The following ATP6V0D2 variants were observed in gnomAD, a reference collection of about 807,000 sequenced individuals.
ATP6V0D2 encodes the protein ATPase H+ transporting V0 subunit d2.
ATP6V0D2 carries 40 observed loss-of-function variants against 40.0 expected under a neutral mutation model. The observed-to-expected ratio is 1.00, with a 90% CI of 0.78 to 1.30. The LOEUF (loss-of-function observed/expected upper bound fraction) is 1.30, where lower values mean the gene tolerates loss of function less well. Among genes scored for constraint, ATP6V0D2 ranks in the 50% most tolerant of loss-of-function variants. ATP6V0D2 has a pLI of 0.00. For missense variants in ATP6V0D2, 470 were observed against 423.1 expected, an observed-to-expected ratio of 1.11 and a Z score of -0.97; for synonymous variants, 179 against 156.3, an observed-to-expected ratio of 1.15 and a Z score of -1.08.
At chr8:86,132,433 A>G (rs980963394) in intron 2 of ATP6V0D2, among the ~76,000 whole-genome samples, 4 of 151,892 alleles carry the variant, frequency 2.6e-5, no homozygotes, top group African/African-American at 9.7e-5. Flanking sequence ...CTTTTATCTA[A>G]CTGTATATTT....
At chr8:86,100,547 G>A (rs957168571) in intron 1 of ATP6V0D2, among the ~76,000 whole-genome samples, 4 of 152,050 alleles carry the variant, frequency 2.6e-5, no homozygotes, top group South Asian at 2.1e-4. Context: ...CCCAAGTTAC[G>A]ACAAACCCTG....
rs772542257 is a variant in ATP6V0D2, at chr8:86,152,999, TA to T, written c.*23del. ...ATAACCCAAGTAAGGTTCTCAAATG[TA>T]GAAAATTATAAATGTTAAAAGGAAG... is the stretch of plus-strand genomic sequence containing the variant. On this transcript the variant is annotated 3_prime_UTR_variant, in exon 8 of 8. Coordinates refer to ENST00000285393, the MANE Select transcript of ATP6V0D2 (RefSeq NM_152565.1). 1.3e-6 allele frequency: 2 copies of T among 1,541,810 alleles called. No homozygotes were observed. Among genetic ancestry groups the T allele is most frequent in the Admixed American group, 2.2e-5 (1 of 45,786 alleles).
At position 86,109,121 on chromosome 8, in the gene ATP6V0D2, G is replaced by A. The variant is rs141328506; in HGVS notation, c.131-4588G>A. On this transcript the variant is annotated intron_variant, in intron 1 of 7. Transcript: ENST00000285393. ...ATTTTCCCAAGTGTGCTCTGTGGGC[G>A]GCCCATTGTTTTTTAGTGGCTTGGG... 8.7e-4 allele frequency among the ~76,000 whole-genome samples: 133 copies of A among 152,054 alleles called. 1 individual carries two copies. The highest frequency in any genetic ancestry group is 3.1e-3 in the African/African-American group (127 of 41,466).
At chr8:86,137,082 G>C (rs1158975312) in intron 2 of ATP6V0D2, among the ~76,000 whole-genome samples, 1 of 152,022 alleles carries the variant, frequency 6.6e-6, no homozygotes, top group Non-Finnish European at 1.5e-5. Flanking sequence ...TTCCTTCAAG[G>C]TCAGCTTGCA....
intron 2 of ATP6V0D2, among the ~76,000 whole-genome samples, chr8:86,119,401 G>A (rs917001776): frequency 6.6e-6 from 1 of 151,874 alleles, no homozygotes; most frequent in Non-Finnish European, 1.5e-5. Context: ...GCTAATTTTT[G>A]TGTTTTTAGT....
Position 86,144,952 on chromosome 8 carries a change from C to T in ATP6V0D2, c.639+1998C>T, listed in dbSNP as rs576719307. Among the ~76,000 whole-genome samples, 13 of 149,512 alleles carry T rather than the reference C, an allele frequency of 8.7e-5. No individual in the cohort carries two copies. The South Asian group carries it at 1.9e-3, about 22-fold the overall frequency. On this transcript the variant is annotated intron_variant, in intron 5 of 7. Coordinates refer to ENST00000285393, the MANE Select transcript of ATP6V0D2 (RefSeq NM_152565.1). ...GGGTGAGCACCTGAGGTTGGGAGTT[C>T]GAGACCAGCCTGGCCAACATGGTGA...
chr8:86,146,068 C>T (rs762631880), intron 5 of ATP6V0D2, among the ~76,000 whole-genome samples: 1 of 152,194 alleles, frequency 6.6e-6, no homozygotes, highest in Non-Finnish European at 1.5e-5. Flanking sequence ...TACTTATGTG[C>T]TTATCCACTC....
chr8:86,146,642 G>A (rs1054521096), intron 5 of ATP6V0D2, among the ~76,000 whole-genome samples: 1 of 152,102 alleles, frequency 6.6e-6, no homozygotes, highest in Non-Finnish European at 1.5e-5. Context: ...GTTACAGTGA[G>A]CCATAAGCCA....
intron 1 of ATP6V0D2, among the ~76,000 whole-genome samples, chr8:86,105,918 G>A (rs549969910): frequency 5.9e-5 from 9 of 152,024 alleles, no homozygotes; most frequent in South Asian, 2.1e-4. Context: ...CTGGCTGCCT[G>A]TAAACTTCTT....
At chr8:86,113,423 C>T (rs943313361) in intron 1 of ATP6V0D2, among the ~76,000 whole-genome samples, 2 of 152,182 alleles carry the variant, frequency 1.3e-5, no homozygotes, top group Admixed American at 6.5e-5. Flanking sequence ...CAGAGGTTGC[C>T]GTGAGCTGAG....
intron 3 of ATP6V0D2, among the ~76,000 whole-genome samples, chr8:86,140,329 CA>C (rs142770680): frequency 7.5e-5 from 11 of 146,952 alleles, no homozygotes; most frequent in South Asian, 2.1e-4. Context: ...TTTTAAAAAG[CA>C]AAAAAAAAAT....
At chr8:86,109,416 C>T (rs1586086137) in intron 1 of ATP6V0D2, among the ~76,000 whole-genome samples, 2 of 152,134 alleles carry the variant, frequency 1.3e-5, no homozygotes, top group African/African-American at 4.8e-5. Context: ...CTCTTGGAAT[C>T]TGAAAGCAAG....
chr8:86,145,194 GA>G (rs200120272), intron 5 of ATP6V0D2, among the ~76,000 whole-genome samples: 1,260 of 10,402 alleles, frequency 0.12, 82 homozygotes, highest in African/African-American at 0.23. Context: ...AAGAAAGAAA[GA>G]AAAGAAAGAA....
At chr8:86,107,360 C>T (rs988752614) in intron 1 of ATP6V0D2, among the ~76,000 whole-genome samples, 1 of 152,114 alleles carries the variant, frequency 6.6e-6, no homozygotes. Context: ...GGCTGGAATT[C>T]AGGCTGGGAA....
rs1185287515 is a variant in ATP6V0D2 at position 86,101,284 on chromosome 8, C to A, written c.130+2176C>A. ...GACCAGCCTGAGCAACACAGCAAGACCTCGTCTCTACTAAAAATTTTGAAA... is the reference window on the plus strand; with the variant it reads ...GACCAGCCTGAGCAACACAGCAAGAACTCGTCTCTACTAAAAATTTTGAAA... On this transcript the variant is annotated intron_variant, in intron 1 of 7. Transcript: ENST00000285393. Among the ~76,000 whole-genome samples, 4 of 151,630 alleles carry A rather than the reference C, an allele frequency of 2.6e-5. No homozygotes were observed. The East Asian group carries it at 7.8e-4, about 29-fold the overall frequency.
chr8:86,149,773 GT>G (rs1402331967), intron 5 of ATP6V0D2, among the ~76,000 whole-genome samples: 15 of 152,194 alleles, frequency 9.9e-5, no homozygotes, highest in South Asian at 2.1e-4. Flanking sequence ...TAAGAAATAG[GT>G]ATTCTCCTTT....
At chr8:86,134,158 G>T (rs914255159) in intron 2 of ATP6V0D2, among the ~76,000 whole-genome samples, 1 of 151,956 alleles carries the variant, frequency 6.6e-6, no homozygotes, top group Non-Finnish European at 1.5e-5. Context: ...AGAAGCAAGC[G>T]GTGTAGTATT....
At chr8:86,119,488 C>CA (rs1427526705) in intron 2 of ATP6V0D2, among the ~76,000 whole-genome samples, 1 of 152,090 alleles carries the variant, frequency 6.6e-6, no homozygotes, top group African/African-American at 2.4e-5. Context: ...CTCGGTCTCC[C>CA]AAAGTGCTGG....
At chr8:86,141,347 T>C in intron 3 of ATP6V0D2, 103 bp from the exon 4 acceptor site, 6 of 735,222 alleles carry the variant, frequency 8.2e-6, no homozygotes, top group Non-Finnish European at 1.4e-5. Context: ...TCTGCAGTGT[T>C]CTTGTCAGGA....
Sources: gnomAD v4.1 joint callset for allele counts (sites outside exome capture counted in the v4.1 genomes callset) on GRCh38, gnomAD v4.1.1 for gene constraint, MANE v1.5 for transcripts, NCBI Gene and HGNC (gene_info 2026-07-23, HGNC 2026-07-21) for gene names.